The following C10orf67 variants were observed in gnomAD, a reference collection of about 807,000 sequenced individuals.
C10orf67 encodes the protein uncharacterized protein C10orf67, mitochondrial.
In C10orf67, 60 loss-of-function variants were observed where a neutral mutation model predicts 35.6. The ratio of observed to expected loss-of-function variants is 1.68; its 90% CI spans 1.37 to 2.09. C10orf67 has a LOEUF of 2.09. C10orf67 is among the 30% of genes most tolerant of loss of function. The pLI is 0.00. For synonymous variants in C10orf67, 167 were observed against 115.8 expected, an observed-to-expected ratio of 1.44 and a Z score of -2.84; for missense variants, 474 against 330.2, an observed-to-expected ratio of 1.44 and a Z score of -3.38.
chr10:23,226,880 A>C (rs1312785899), intron 13 of C10orf67, among the ~76,000 whole-genome samples: 1 of 152,224 alleles, frequency 6.6e-6, no homozygotes, highest in African/African-American at 2.4e-5. Context: ...CCTTCCCAAG[A>C]CTTAACCAGG....
chr10:23,310,752 G>A (rs1046763567), intron 4 of C10orf67, among the ~76,000 whole-genome samples: 4 of 152,164 alleles, frequency 2.6e-5, no homozygotes, highest in African/African-American at 9.7e-5. Context: ...CTCTTGCTTG[G>A]CTCAAAGGAG....
intron 4 of C10orf67, among the ~76,000 whole-genome samples, chr10:23,306,083 AAG>A (rs777404961): frequency 6.6e-6 from 1 of 152,180 alleles, no homozygotes; most frequent in Non-Finnish European, 1.5e-5. Flanking sequence ...CAGCCATAAA[AAG>A]AAGGATATCT....
chr10:23,328,685 T>TAAAAAA (rs57874839), intron 2 of C10orf67, among the ~76,000 whole-genome samples: 1 of 138,112 alleles, frequency 7.2e-6, no homozygotes, highest in Non-Finnish European at 1.6e-5. Context: ...CTCAAGAGAT[T>TAAAAAA]AAAAAAAAAA....
intron 1 of C10orf67, among the ~76,000 whole-genome samples, chr10:23,338,757 C>A (rs186637703): frequency 3.3e-4 from 50 of 152,226 alleles, no homozygotes; most frequent in African/African-American, 1.1e-3. Flanking sequence ...GCCTGCAATC[C>A]CAGCACTTTG....
chr10:23,306,178 T>C (rs930905204), intron 4 of C10orf67, among the ~76,000 whole-genome samples: 1 of 152,164 alleles, frequency 6.6e-6, no homozygotes, highest in Non-Finnish European at 1.5e-5. Flanking sequence ...AATAGTGTAT[T>C]ATCTCATTAA....
In C10orf67 at chr10:23,279,307, G is replaced by C. The variant is rs547594926; in HGVS notation, c.975+2706C>G. Among the ~76,000 whole-genome samples, 115 of 152,348 alleles carry C rather than the reference G, an allele frequency of 7.5e-4. 2 individuals carry two copies. In the South Asian group the frequency reaches 0.023, roughly 30 times the overall value. Reference sequence around the variant, plus strand: ...CTTGTGTCATGTTTGTCTTGATGAAGAGCCACTATTCACAGAGCTTCCATG... The same window carrying C: ...CTTGTGTCATGTTTGTCTTGATGAACAGCCACTATTCACAGAGCTTCCATG... On this transcript the variant is annotated intron_variant, in intron 8 of 15. Transcript: ENST00000636213.
chr10:23,323,133 A>G (rs1269514530), intron 2 of C10orf67, among the ~76,000 whole-genome samples: 1 of 152,238 alleles, frequency 6.6e-6, no homozygotes, highest in Admixed American at 6.5e-5. Context: ...AGAAGAAAAT[A>G]TCTGTGTTAA....
At chr10:23,322,114 G>C (rs900745266) in intron 3 of C10orf67, among the ~76,000 whole-genome samples, 1 of 152,178 alleles carries the variant, frequency 6.6e-6, no homozygotes, top group Admixed American at 6.5e-5. Context: ...CCTTGAACAA[G>C]TTAATTAGCC....
intron 12 of C10orf67, 83 bp from the exon 13 acceptor site, chr10:23,239,899 A>G (rs2132137864): frequency 2.1e-6 from 1 of 470,060 alleles, no homozygotes; most frequent in Non-Finnish European, 4.0e-6. Flanking sequence ...TGAGGTAGGA[A>G]ACTACATTAA....
chr10:23,210,894 G>T (rs548705465), intron 15 of C10orf67, among the ~76,000 whole-genome samples: 1 of 152,178 alleles, frequency 6.6e-6, no homozygotes, highest in South Asian at 2.1e-4. Context: ...TTTTATGGTG[G>T]GCACTGAATG....
At chr10:23,290,251 C>A (rs959524502) in intron 6 of C10orf67, among the ~76,000 whole-genome samples, 1 of 152,188 alleles carries the variant, frequency 6.6e-6, no homozygotes, top group Admixed American at 6.5e-5. Context: ...ACAGCCAATA[C>A]AAAGAGCTTT....
intron 1 of C10orf67, among the ~76,000 whole-genome samples, chr10:23,343,688 T>A (rs1052028257): frequency 6.6e-6 from 1 of 152,164 alleles, no homozygotes; most frequent in African/African-American, 2.4e-5. Context: ...GATTCTGGAA[T>A]CCGGGCAGTC....
intron 10 of C10orf67, among the ~76,000 whole-genome samples, chr10:23,256,264 A>G (rs1842598073): frequency 6.6e-6 from 1 of 152,086 alleles, no homozygotes; most frequent in Non-Finnish European, 1.5e-5. Context: ...GGCCTTCCAA[A>G]GTGCTGGAAT....
intron 9 of C10orf67, 47 bp downstream of exon 9, chr10:23,267,148 G>A (rs1370264764): frequency 2.9e-6 from 2 of 692,062 alleles, no homozygotes; most frequent in Non-Finnish European, 2.6e-6. Context: ...AATCAGAGAA[G>A]CACAAAATAA....
intron 8 of C10orf67, among the ~76,000 whole-genome samples, chr10:23,270,381 G>A (rs1268820505): frequency 6.6e-6 from 1 of 152,180 alleles, no homozygotes; most frequent in African/African-American, 2.4e-5. Flanking sequence ...TGGATCAGGA[G>A]ATCCCCTCAT....
intron 12 of C10orf67, among the ~76,000 whole-genome samples, chr10:23,248,890 C>T (rs1022746171): frequency 1.3e-5 from 2 of 151,750 alleles, no homozygotes; most frequent in African/African-American, 2.4e-5. Context: ...GAGACCAAAA[C>T]GATTAATATG....
intron 15 of C10orf67, among the ~76,000 whole-genome samples, chr10:23,220,366 C>T (rs2132101336): frequency 6.6e-6 from 1 of 152,246 alleles, no homozygotes; most frequent in Admixed American, 6.5e-5. Flanking sequence ...ACTTCATCCT[C>T]ATAACAAACC....
chr10:23,223,944 C>G (rs1289477741), intron 13 of C10orf67, 126 bp from the exon 14 acceptor site: 3 of 631,400 alleles, frequency 4.8e-6, no homozygotes, highest in African/African-American at 3.7e-5. Flanking sequence ...CTTATTTGCT[C>G]AAATATGGCT....
intron 2 of C10orf67, among the ~76,000 whole-genome samples, chr10:23,328,993 C>CAAAAAAAAAAAAAAAAAAAGAA (rs1845312488): frequency 3.8e-5 from 3 of 78,732 alleles, no homozygotes; most frequent in Non-Finnish European, 4.9e-5. Context: ...CATAAACGAA[C>CAAAAAAAAAAAAAAAAAAAGAA]AAAAAAAAAA....
Sources: gnomAD v4.1 joint callset for allele counts (sites outside exome capture counted in the v4.1 genomes callset) on GRCh38, gnomAD v4.1.1 for gene constraint, MANE v1.5 for transcripts, NCBI Gene and HGNC (gene_info 2026-07-23, HGNC 2026-07-21) for gene names.